Variants in CYTH3 observed in about 807,000 individuals in gnomAD.
CYTH3 encodes the protein cytohesin-3.
Under a neutral mutation model 55.1 loss-of-function variants are expected in CYTH3, and 23 were observed. The ratio of observed to expected loss-of-function variants is 0.42; its 90% confidence interval spans 0.30 to 0.59. The LOEUF (loss-of-function observed/expected upper bound fraction) is 0.59. CYTH3 is among the 20% of genes least tolerant of loss of function. The pLI, the probability that CYTH3 is intolerant of heterozygous loss-of-function variation, is 0.20. For synonymous variants in CYTH3, 249 were observed against 194.9 expected, an observed-to-expected ratio of 1.28 and a Z score of -2.31; for missense variants, 413 against 524.8, an observed-to-expected ratio of 0.79 and a Z score of 2.08.
rs555640000 is a variant in CYTH3 at position 6,267,312 on chromosome 7, T to C, written c.34+5162A>G. ...AAAAACGGCATGACACAGGCACTAA[T>C]AGCTCTTGTGCCATGCATAGAACCT... On this transcript the variant is annotated intron_variant, in intron 1 of 12. Coordinates refer to ENST00000350796, the MANE Select transcript of CYTH3 (RefSeq NM_004227.4). 5.0e-4 allele frequency among the ~76,000 whole-genome samples: 76 copies of C among 152,334 alleles called. 1 individual carries two copies. The highest frequency in any genetic ancestry group is 1.7e-3 in the African/African-American group (70 of 41,572).
chr7:6,162,614 C>T lies in CYTH3; in HGVS notation c.*2330G>A, dbSNP rs757256661. 6.6e-6 allele frequency: 1 copy of T among 152,260 alleles called. No homozygotes were observed. The highest frequency in any genetic ancestry group is 1.5e-5 in the Non-Finnish European group (1 of 68,074). 9.4% of individuals were successfully genotyped at this position (152,260 alleles called of 1,614,324 possible). A position where few individuals can be genotyped will look rare whatever the true frequency, so the allele number is the denominator to read the frequency against. ...CGCACAGCCTTCATGCTAATACTGT[C>T]CTAACACAGCCTGGAGCTAGGCGAT... On this transcript the variant is annotated 3_prime_UTR_variant, in exon 13 of 13. Transcript: ENST00000350796.
At chr7:6,259,777 T>TA (rs1349694818) in intron 1 of CYTH3, among the ~76,000 whole-genome samples, 10 of 19,958 alleles carry the variant, frequency 5.0e-4, no homozygotes, top group South Asian at 1.8e-3. Flanking sequence ...ATATATTATA[T>TA]ATATATAATA....
Position 6,250,231 on chromosome 7 carries a change from G to C in CYTH3, c.34+22243C>G, listed in dbSNP as rs148247274. On this transcript the variant is annotated intron_variant, in intron 1 of 12. Coordinates refer to ENST00000350796, the MANE Select transcript of CYTH3 (RefSeq NM_004227.4). The stretch of plus-strand genomic sequence containing the variant: ...TCAGAGAGAGTAAAAACTTTCTACA[G>C]ACAACATGATTCTACTCCAGATGCA... 6.2e-3 allele frequency among the ~76,000 whole-genome samples: 937 copies of C among 152,260 alleles called. 9 individuals are homozygous for C. Among genetic ancestry groups the C allele is most frequent in the African/African-American group, 0.021 (888 of 41,546 alleles).
intron 1 of CYTH3, among the ~76,000 whole-genome samples, chr7:6,196,969 A>G (rs1427092504): frequency 6.6e-6 from 1 of 152,190 alleles, no homozygotes; most frequent in Non-Finnish European, 1.5e-5. Context: ...GCATCGGCAT[A>G]CATTTCTGTT....
chr7:6,220,340 C>T (rs1331320714), intron 1 of CYTH3, among the ~76,000 whole-genome samples: 4 of 152,026 alleles, frequency 2.6e-5, no homozygotes. Flanking sequence ...ACAAAATTAA[C>T]TCAAAGTAGA....
At chr7:6,219,591 C>T (rs1289679271) in intron 1 of CYTH3, among the ~76,000 whole-genome samples, 2 of 152,176 alleles carry the variant, frequency 1.3e-5, no homozygotes, top group Non-Finnish European at 2.9e-5. Context: ...ACTCATGAAT[C>T]CCCTCAACCC....
At chr7:6,189,364 A>G (rs1465523528) in intron 2 of CYTH3, among the ~76,000 whole-genome samples, 2 of 151,788 alleles carry the variant, frequency 1.3e-5, no homozygotes, top group African/African-American at 4.9e-5. Flanking sequence ...TCCGCAGTAC[A>G]CTGGCACAAT....
chr7:6,262,015 T>TAA (rs35855865), intron 1 of CYTH3, among the ~76,000 whole-genome samples: 90 of 151,992 alleles, frequency 5.9e-4, no homozygotes, highest in Admixed American at 1.2e-3. Context: ...TTGGAATCTT[T>TAA]AAAAAAAATC....
intron 1 of CYTH3, among the ~76,000 whole-genome samples, chr7:6,223,240 A>G (rs541506737): frequency 6.7e-6 from 1 of 148,892 alleles, no homozygotes; most frequent in East Asian, 2.0e-4. Flanking sequence ...CCATCTGGGA[A>G]CTGAGGAGCG....
intron 1 of CYTH3, among the ~76,000 whole-genome samples, chr7:6,204,478 C>G (rs753821656): frequency 2.6e-5 from 4 of 152,200 alleles, no homozygotes; most frequent in Non-Finnish European, 4.4e-5. Context: ...TGCTGCTCAG[C>G]TGGCCCACAA....
intron 1 of CYTH3, among the ~76,000 whole-genome samples, chr7:6,191,646 A>G (rs1783807286): frequency 7.3e-6 from 1 of 136,862 alleles, no homozygotes; most frequent in Non-Finnish European, 1.5e-5. Flanking sequence ...CCCTGGCTGG[A>G]GTGCAGTGGC....
intron 1 of CYTH3, among the ~76,000 whole-genome samples, chr7:6,234,113 C>T (rs1255864760): frequency 1.3e-5 from 2 of 152,236 alleles, no homozygotes; most frequent in Admixed American, 1.3e-4. Context: ...TCCATTACAA[C>T]ATCATATCAT....
In CYTH3 at chr7:6,235,986, T is replaced by C. The variant is rs187595395; in HGVS notation, c.34+36488A>G. ...TTCTTCACCTAGGATTGGCTATTGC[T>C]TAAAAATGAAACCAGCCTAGCCAAT... On this transcript the variant is annotated intron_variant, in intron 1 of 12. Transcript: ENST00000350796. Among the ~76,000 whole-genome samples, 518 of 152,344 alleles carry C rather than the reference T, an allele frequency of 3.4e-3. 3 individuals are homozygous for C. Among genetic ancestry groups the C allele is most frequent in the Non-Finnish European group, 5.0e-3 (342 of 68,034 alleles).
At chr7:6,185,175 T>C (rs540592700) in intron 4 of CYTH3, among the ~76,000 whole-genome samples, 2 of 152,218 alleles carry the variant, frequency 1.3e-5, no homozygotes, top group Non-Finnish European at 2.9e-5. Context: ...ATCTTGGAGA[T>C]GATTTATGCC....
At chr7:6,237,663 C>T (rs1335267317) in intron 1 of CYTH3, among the ~76,000 whole-genome samples, 2 of 152,058 alleles carry the variant, frequency 1.3e-5, no homozygotes, top group African/African-American at 4.8e-5. Context: ...GAGCCCAGAT[C>T]GCGCCACTGC....
intron 1 of CYTH3, among the ~76,000 whole-genome samples, chr7:6,204,124 T>C (rs1784128720): frequency 6.6e-6 from 1 of 152,178 alleles, no homozygotes; most frequent in Middle Eastern, 3.4e-3. Context: ...GTGAGAAGGA[T>C]TCATTGCCCC....
chr7:6,267,771 C>T (rs1780538941), intron 1 of CYTH3, among the ~76,000 whole-genome samples: 1 of 152,194 alleles, frequency 6.6e-6, no homozygotes, highest in Non-Finnish European at 1.5e-5. Context: ...ATCTACCCGC[C>T]TTGGCCTCCC....
chr7:6,245,036 G>C (rs1779773657), intron 1 of CYTH3, among the ~76,000 whole-genome samples: 1 of 130,364 alleles, frequency 7.7e-6, no homozygotes, highest in Admixed American at 9.0e-5. Flanking sequence ...AGGCAGGATG[G>C]TCTCAATCTC....
chr7:6,226,637 G>A (rs894464985), intron 1 of CYTH3, among the ~76,000 whole-genome samples: 2 of 152,074 alleles, frequency 1.3e-5, no homozygotes, highest in African/African-American at 2.4e-5. Flanking sequence ...AACCCGTGTT[G>A]TGAGTATTTG....
Sources: gnomAD v4.1 joint callset for allele counts (sites outside exome capture counted in the v4.1 genomes callset) on GRCh38, gnomAD v4.1.1 for gene constraint, MANE v1.5 for transcripts, NCBI Gene and HGNC (gene_info 2026-07-23, HGNC 2026-07-21) for gene names.